Variants in FAM13A observed in about 807,000 individuals in gnomAD.
The protein encoded by FAM13A is family with sequence similarity 13 member A.
FAM13A carries 76 observed loss-of-function variants against 129.6 expected under a neutral mutation model. The observed-to-expected ratio is 0.59, with a 90% CI of 0.49 to 0.71. The LOEUF (loss-of-function observed/expected upper bound fraction) is 0.71. FAM13A is among the 30% of genes least tolerant of loss of function. The pLI is 0.00. For synonymous variants in FAM13A, 443 were observed against 449.9 expected, an observed-to-expected ratio of 0.98 and a Z score of 0.20; for missense variants, 1,108 against 1,249.3, an observed-to-expected ratio of 0.89 and a Z score of 1.70.
At chr4:88,814,694 T>C (rs1730350816) in intron 7 of FAM13A, among the ~76,000 whole-genome samples, 1 of 152,232 alleles carries the variant, frequency 6.6e-6, no homozygotes, top group Admixed American at 6.5e-5. Flanking sequence ...TATAATCATT[T>C]TGCTGACTGC....
intron 8 of FAM13A, among the ~76,000 whole-genome samples, chr4:88,799,286 A>G (rs1726922679): frequency 6.6e-6 from 1 of 152,202 alleles, no homozygotes; most frequent in Non-Finnish European, 1.5e-5. Flanking sequence ...ATCTTTAAAG[A>G]AATCCACATA....
At chr4:89,001,703 C>G (rs181742424) in intron 3 of FAM13A, among the ~76,000 whole-genome samples, 36 of 152,132 alleles carry the variant, frequency 2.4e-4, no homozygotes, top group African/African-American at 8.2e-4. Flanking sequence ...CGAAACCACT[C>G]AGCTAATCTC....
chr4:88,729,435 T>A (rs1737157304), intron 23 of FAM13A: 1 of 152,214 alleles, frequency 6.6e-6, no homozygotes, highest in South Asian at 2.1e-4. Context: ...AACCATAGGC[T>A]TCCTGCCTTT....
Position 88,931,086 on chromosome 4 carries a change from G to A in FAM13A, c.759+7002C>T, listed in dbSNP as rs185025241. On this transcript the variant is annotated intron_variant, in intron 5 of 23. Coordinates refer to ENST00000264344, the MANE Select transcript of FAM13A (RefSeq NM_014883.4). ...AAGCCTGGACAAGAAGCTGTGGGGA[G>A]TGCAGTCCACTCACATCTCAGTCTC... 1.3e-3 allele frequency among the ~76,000 whole-genome samples: 199 copies of A among 152,200 alleles called. 2 individuals carry two copies. Among genetic ancestry groups the A allele is most frequent in the African/African-American group, 4.3e-3 (177 of 41,538 alleles).
intron 6 of FAM13A, among the ~76,000 whole-genome samples, chr4:88,871,460 T>G (rs1741376440): frequency 6.6e-6 from 1 of 152,182 alleles, no homozygotes; most frequent in African/African-American, 2.4e-5. Flanking sequence ...AAGGACCTGA[T>G]GGAGCTGAAA....
chr4:88,779,343 T>A (rs946459343), intron 11 of FAM13A, among the ~76,000 whole-genome samples: 5 of 152,134 alleles, frequency 3.3e-5, no homozygotes, highest in Non-Finnish European at 7.4e-5. Context: ...ATTAGAAGGT[T>A]AAAAATAAGG....
intron 4 of FAM13A, among the ~76,000 whole-genome samples, chr4:88,960,742 T>A (rs1579509346): frequency 6.6e-6 from 1 of 152,328 alleles, no homozygotes; most frequent in East Asian, 1.9e-4. Context: ...GGCATTGTCT[T>A]TTGCAAAGTT....
chr4:88,986,079 G>A (rs1308209355), intron 4 of FAM13A, among the ~76,000 whole-genome samples: 1 of 150,268 alleles, frequency 6.7e-6, no homozygotes, highest in African/African-American at 2.4e-5. Flanking sequence ...AGTATAGAAA[G>A]AATAATGATA....
rs761642010 is a variant in FAM13A at position 88,851,000 on chromosome 4, G to A, written c.1007+20C>T. The A allele has an allele frequency of 6.2e-6, 10 of 1,612,206 alleles. No individual in the cohort carries two copies. The highest frequency in any genetic ancestry group is 8.5e-6 in the Non-Finnish European group (10 of 1,178,536). ...CGAATAATGCAATATGGATTGTGTA[G>A]ATAAAGAAAACATGCCAACCTGGGT... On this transcript the variant is annotated intron_variant, in intron 7 of 23. Transcript: ENST00000264344.
chr4:88,875,543 C>G (rs569710741), intron 6 of FAM13A, among the ~76,000 whole-genome samples: 1 of 152,298 alleles, frequency 6.6e-6, no homozygotes, highest in South Asian at 2.1e-4. Flanking sequence ...TGAAAAAATG[C>G]TCATCATCAC....
chr4:88,905,100 G>C (rs1490708036), intron 6 of FAM13A, among the ~76,000 whole-genome samples: 1 of 152,044 alleles, frequency 6.6e-6, no homozygotes, highest in African/African-American at 2.4e-5. Flanking sequence ...TACTGCACTT[G>C]ACTATTTCCT....
At chr4:88,803,783 G>A (rs1301079333) in intron 8 of FAM13A, among the ~76,000 whole-genome samples, 5 of 152,162 alleles carry the variant, frequency 3.3e-5, no homozygotes, top group Admixed American at 1.3e-4. Context: ...AGTCACTAAA[G>A]AGTAAACACT....
intron 3 of FAM13A, among the ~76,000 whole-genome samples, chr4:89,008,400 G>A (rs1486734540): frequency 6.6e-6 from 1 of 152,174 alleles, no homozygotes; most frequent in African/African-American, 2.4e-5. Flanking sequence ...GGCTACGTGA[G>A]GACACAGCAA....
At chr4:88,971,582 T>C (rs191966818) in intron 4 of FAM13A, among the ~76,000 whole-genome samples, 57 of 152,284 alleles carry the variant, frequency 3.7e-4, no homozygotes, top group African/African-American at 1.2e-3. Flanking sequence ...TCATGGCTCA[T>C]TGCAGCCTTG....
rs1260403198 is a variant in FAM13A at position 89,057,144 on chromosome 4, C to T, written c.-180G>A. 2 of 1,440,322 alleles carry T rather than the reference C, an allele frequency of 1.4e-6. No homozygotes were observed. The highest frequency in any genetic ancestry group is 1.8e-6 in the Non-Finnish European group (2 of 1,098,660). 89.2% of individuals were successfully genotyped at this position (1,440,322 alleles called of 1,614,324 possible). On this transcript the variant is annotated 5_prime_UTR_variant, in exon 1 of 24. Coordinates refer to ENST00000264344, the MANE Select transcript of FAM13A (RefSeq NM_014883.4). ...TTTTAGGAAGAGTGGTTTTGCTTCT[C>T]TTTCCGCTGAACCCACATGGCTGGA...
intron 6 of FAM13A, among the ~76,000 whole-genome samples, chr4:88,866,573 T>G (rs1740495527): frequency 6.6e-6 from 1 of 152,146 alleles, no homozygotes; most frequent in Non-Finnish European, 1.5e-5. Flanking sequence ...CAACTGTATC[T>G]ACATAATTAA....
At chr4:88,860,512 G>A (rs556597074) in intron 6 of FAM13A, among the ~76,000 whole-genome samples, 1 of 152,330 alleles carries the variant, frequency 6.6e-6, no homozygotes, top group African/African-American at 2.4e-5. Flanking sequence ...CATTTGGGTT[G>A]TGGGGAAGAA....
intron 6 of FAM13A, among the ~76,000 whole-genome samples, chr4:88,875,975 A>G (rs943465112): frequency 8.5e-5 from 13 of 152,170 alleles, no homozygotes; most frequent in Admixed American, 7.2e-4. Context: ...AAAAGGATGA[A>G]TTCATGTCCT....
chr4:88,802,048 C>A (rs1032086554), intron 8 of FAM13A, among the ~76,000 whole-genome samples: 1 of 152,062 alleles, frequency 6.6e-6, no homozygotes, highest in Non-Finnish European at 1.5e-5. Flanking sequence ...AAGAACACCA[C>A]CACCAAGTTG....
Sources: gnomAD v4.1 joint callset for allele counts (sites outside exome capture counted in the v4.1 genomes callset) on GRCh38, gnomAD v4.1.1 for gene constraint, MANE v1.5 for transcripts, NCBI Gene and HGNC (gene_info 2026-07-23, HGNC 2026-07-21) for gene names.